The following PCDHA5 variants were observed in gnomAD, a reference collection of about 807,000 sequenced individuals.
The protein encoded by PCDHA5 is protocadherin alpha-5.
Under a neutral mutation model 61.6 loss-of-function variants are expected in PCDHA5, and 43 were observed. The observed-to-expected ratio is 0.70, with a 90% CI of 0.55 to 0.90. The LOEUF (loss-of-function observed/expected upper bound fraction) is 0.90. Among genes scored for constraint, PCDHA5 ranks in the 40% least tolerant of loss-of-function variants. The pLI is 0.00. For synonymous variants in PCDHA5, 627 were observed against 543.9 expected (o/e 1.15, Z -2.13); for missense variants, 1,298 against 1,222.7 (o/e 1.06, Z -0.92).
intron 3 of PCDHA5, 47 bp from the exon 4 acceptor site, chr5:141,009,580 G>T: frequency 1.3e-6 from 2 of 1,588,168 alleles, no homozygotes; most frequent in South Asian, 2.3e-5. Context: ...GTGGCATCAA[G>T]AGCATGTGTT....
intron 1 of PCDHA5, among the ~76,000 whole-genome samples, chr5:140,925,484 T>C (rs1178019565): frequency 6.6e-6 from 1 of 152,066 alleles, no homozygotes; most frequent in Admixed American, 6.6e-5. Flanking sequence ...CTCATAGAAC[T>C]GATCACTGTC....
chr5:140,956,177 A>G (rs1261759530), intron 1 of PCDHA5, among the ~76,000 whole-genome samples: 6 of 152,192 alleles, frequency 3.9e-5, no homozygotes, highest in Non-Finnish European at 8.8e-5. Flanking sequence ...AGAACTTCCA[A>G]TACTATGCTG....
chr5:140,828,862 C>G (rs368773020), intron 1 of PCDHA5: 3 of 1,614,178 alleles, frequency 1.9e-6, no homozygotes, highest in Non-Finnish European at 2.5e-6. Flanking sequence ...ATGCAGACAA[C>G]GGAACAACAG....
At chr5:140,837,111 G>A (rs1774917458) in intron 1 of PCDHA5, 1 of 158,706 alleles carries the variant, frequency 6.3e-6, no homozygotes, top group Non-Finnish European at 1.4e-5. Flanking sequence ...TAATATATAT[G>A]TTACCTAATA....
At chr5:140,885,270 A>G (rs251381) in intron 1 of PCDHA5, among the ~76,000 whole-genome samples, 102,023 of 151,894 alleles carry the variant, frequency 0.67, 34,437 homozygotes, top group Middle Eastern at 0.71. Flanking sequence ...ACTCATACAT[A>G]TATATATACA....
intron 1 of PCDHA5, chr5:140,837,289 A>G (rs1775001022): frequency 6.6e-6 from 1 of 152,010 alleles, no homozygotes; most frequent in Non-Finnish European, 1.5e-5. Flanking sequence ...TTTTTAACTT[A>G]CTTTGTTGAG....
At chr5:140,980,897 A>G (rs2096910436) in intron 2 of PCDHA5, among the ~76,000 whole-genome samples, 1 of 152,186 alleles carries the variant, frequency 6.6e-6, no homozygotes, top group African/African-American at 2.4e-5. Context: ...AGTCTTGGAC[A>G]TCATGTAACT....
chr5:140,991,308 C>T (rs374484318), intron 3 of PCDHA5, among the ~76,000 whole-genome samples: 1 of 152,282 alleles, frequency 6.6e-6, no homozygotes, highest in South Asian at 2.1e-4. Flanking sequence ...ATTATCTTGT[C>T]CCGCATGATA....
At chr5:140,957,799 TA>T (rs1430681763) in intron 1 of PCDHA5, among the ~76,000 whole-genome samples, 2 of 152,032 alleles carry the variant, frequency 1.3e-5, no homozygotes, top group African/African-American at 2.4e-5. Context: ...ATATGTTAAG[TA>T]AAAAAAAGTC....
At chr5:140,869,953 A>G (rs781865487) in intron 1 of PCDHA5, 10 of 1,612,868 alleles carry the variant, frequency 6.2e-6, no homozygotes, top group Middle Eastern at 3.3e-4. Context: ...CTTAATGTCA[A>G]TTAAGCCCAA....
chr5:141,005,335 G>A, intron 3 of PCDHA5, among the ~76,000 whole-genome samples: 1 of 152,148 alleles, frequency 6.6e-6, no homozygotes, highest in Middle Eastern at 3.2e-3. Context: ...ATAGGCCAAG[G>A]GGGTGCTGCT....
chr5:140,927,192 G>T, intron 1 of PCDHA5: 4 of 1,614,154 alleles, frequency 2.5e-6, no homozygotes, highest in Non-Finnish European at 3.4e-6. Flanking sequence ...ACGACCTGGT[G>T]CTCGAGGACC....
chr5:140,841,292 A>C, intron 1 of PCDHA5: 1 of 1,561,784 alleles, frequency 6.4e-7, no homozygotes, highest in Non-Finnish European at 8.6e-7. Flanking sequence ...TATTAAGATA[A>C]TATTTTCTGA....
At chr5:140,846,228 T>C (rs1397135837) in intron 1 of PCDHA5, among the ~76,000 whole-genome samples, 1 of 149,604 alleles carries the variant, frequency 6.7e-6, no homozygotes, top group Non-Finnish European at 1.5e-5. Flanking sequence ...AGTATTTTTC[T>C]TAAAAAGAAG....
intron 1 of PCDHA5, among the ~76,000 whole-genome samples, chr5:140,926,207 C>A (rs1259453811): frequency 6.6e-6 from 1 of 152,074 alleles, no homozygotes; most frequent in Non-Finnish European, 1.5e-5. Flanking sequence ...TCGGGGGGCT[C>A]CTGTTTCCTT....
chr5:140,854,089 G>A, intron 1 of PCDHA5: 1 of 266,188 alleles, frequency 3.8e-6, no homozygotes, highest in Non-Finnish European at 5.6e-6. Flanking sequence ...TTGAGCCTGG[G>A]ACATTGAGGC....
rs187844001 is a variant in PCDHA5 at position 140,981,487 on chromosome 5, T to C, written c.2412-988T>C. On this transcript the variant is annotated intron_variant, in intron 2 of 3. Coordinates refer to ENST00000529859, the MANE Select transcript of PCDHA5 (RefSeq NM_018908.3). ...TACTTGGGAGGCTGAGGCAGGAGAA[T>C]TGCTTGAACCTGGGAGGCAGAGGTT... Among the ~76,000 whole-genome samples the C allele has an allele frequency of 5.5e-3, 843 of 152,250 alleles. 8 individuals carry two copies. Among genetic ancestry groups the C allele is most frequent in the African/African-American group, 0.019 (806 of 41,542 alleles).
intron 1 of PCDHA5, chr5:140,836,001 G>A (rs1405342443): frequency 2.3e-5 from 37 of 1,613,232 alleles, no homozygotes; most frequent in Non-Finnish European, 2.9e-5. Context: ...CGCGCGCGAT[G>A]CGGGCGTGCC....
At chr5:140,898,797 C>T (rs1210404780) in intron 1 of PCDHA5, among the ~76,000 whole-genome samples, 7 of 152,160 alleles carry the variant, frequency 4.6e-5, no homozygotes, top group East Asian at 1.9e-4. Context: ...GCCATTTTCA[C>T]GATACTGATT....
Sources: allele counts gnomAD v4.1 joint callset (sites outside exome capture counted in the v4.1 genomes callset), GRCh38; gene constraint gnomAD v4.1.1; transcripts MANE v1.5; gene names NCBI Gene and HGNC (gene_info 2026-07-23, HGNC 2026-07-21).